ZNF107: variants seen among roughly 807,000 people sequenced by gnomAD.
ZNF107 encodes C2H2 type zinc-finger protein.
A neutral mutation model predicts 12.3 loss-of-function variants in ZNF107; 19 were observed. That is an observed-to-expected ratio of 1.55 (90% CI 1.08 to 2.27). The LOEUF (loss-of-function observed/expected upper bound fraction) is 2.27, where lower values mean the gene tolerates loss of function less well. ZNF107 is among the 30% of genes most tolerant of loss of function. ZNF107 has a pLI of 0.00. For synonymous variants in ZNF107, 317 were observed against 330.5 expected (o/e 0.96, Z 0.44); for missense variants, 958 against 979.9 (o/e 0.98, Z 0.30).
chr7:64,711,568 A>AT lies in ZNF107; in HGVS notation c.*2915dup, dbSNP rs1554352801. ...AGAAAATTCTGAGTTCTGAATAAAC[A>AT]TTTAAAAAATGTTATATATTTTTCT... On this transcript the variant is annotated 3_prime_UTR_variant, in exon 4 of 4. Transcript: ENST00000620827. The AT allele has an allele frequency of 3.5e-5, 1 of 28,518 alleles. No individual in the cohort carries two copies. The highest frequency in any genetic ancestry group is 8.0e-5 in the African/African-American group (1 of 12,574). 1.8% of individuals were successfully genotyped at this position (28,518 alleles called of 1,614,324 possible).
chr7:64,701,620 A>G (rs973180304), intron 3 of ZNF107, among the ~76,000 whole-genome samples: 2 of 150,964 alleles, frequency 1.3e-5, no homozygotes, highest in Non-Finnish European at 1.5e-5. Context: ...TAATATATTT[A>G]CTTACTCATT....
At chr7:64,681,343 C>G (rs917258577) in intron 1 of ZNF107, among the ~76,000 whole-genome samples, 3 of 152,078 alleles carry the variant, frequency 2.0e-5, no homozygotes, top group Admixed American at 2.0e-4. Context: ...GCCTCCAGAC[C>G]TCTCCAGACT....
At chr7:64,672,362 A>T (rs1466763295) in intron 1 of ZNF107, among the ~76,000 whole-genome samples, 1 of 151,696 alleles carries the variant, frequency 6.6e-6, no homozygotes, top group African/African-American at 2.4e-5. Flanking sequence ...TATTTTTATT[A>T]TAATTATTTT....
intron 1 of ZNF107, among the ~76,000 whole-genome samples, chr7:64,678,683 CTTAGGTATT>C (rs1789523492): frequency 6.6e-6 from 1 of 152,020 alleles, no homozygotes; most frequent in Admixed American, 6.6e-5. Context: ...ATTATTTATA[CTTAGGTATT>C]TTATCCAATG....
At chr7:64,704,940 A>G (rs766723745) in intron 3 of ZNF107, among the ~76,000 whole-genome samples, 4 of 152,184 alleles carry the variant, frequency 2.6e-5, no homozygotes, top group Non-Finnish European at 5.9e-5. Flanking sequence ...TGGTCTCCCA[A>G]TGTGCTGGGA....
In ZNF107 at chr7:64,706,733, G is replaced by A. The variant is rs1790661021; in HGVS notation, c.636G>A (p.Trp212Ter). 3.1e-6 allele frequency: 5 copies of A among 1,612,394 alleles called. No individual in the cohort carries two copies. The highest frequency in any genetic ancestry group is 3.3e-5 in the Admixed American group (2 of 59,820). Residue 212 changes from tryptophan (W) to a stop codon, truncating the protein, a stop_gained, in exon 4 of 4, where the codon TGG becomes TGA. Transcript: ENST00000620827. LOFTEE classifies it low-confidence loss of function (END_TRUNC). ...AAGAATGTGGAAAAGCCTTTAACTG[G>A]TTCTCAACTCTTACTAAACATAAGA... ...KCEECGKAFN[W>*]FSTLTKHKRI...
rs1788995942 is a variant in ZNF107 at position 64,666,266 on chromosome 7, T to A, written c.-17T>A. 2.5e-6 allele frequency: 4 copies of A among 1,609,260 alleles called. No homozygotes were observed. Among genetic ancestry groups the A allele is most frequent in the Non-Finnish European group, 2.5e-6 (3 of 1,177,358 alleles). On this transcript the variant is annotated 5_prime_UTR_variant, in exon 1 of 4. Coordinates refer to ENST00000620827, the MANE Select transcript of ZNF107 (RefSeq NM_001282359.2). ...AGATCCACAGCTAAGACGCCGGGAC[T>A]CCCTGGAAACCTAGAAATGGTGAGA...
chr7:64,694,499 T>C (rs563399925), intron 3 of ZNF107, among the ~76,000 whole-genome samples: 9 of 129,030 alleles, frequency 7.0e-5, no homozygotes, highest in Middle Eastern at 7.4e-3. Context: ...TATTTTCTTT[T>C]TTCTTTTTTT....
intron 1 of ZNF107, among the ~76,000 whole-genome samples, chr7:64,688,118 C>T (rs1232571125): frequency 1.3e-5 from 2 of 152,164 alleles, no homozygotes; most frequent in African/African-American, 4.8e-5. Context: ...CACAGGGCAG[C>T]AGTTAACCAT....
At chr7:64,685,301 C>T (rs747039504) in intron 1 of ZNF107, among the ~76,000 whole-genome samples, 1 of 152,196 alleles carries the variant, frequency 6.6e-6, no homozygotes. Flanking sequence ...TGCAACTACG[C>T]CTTGCAGCTT....
intron 3 of ZNF107, among the ~76,000 whole-genome samples, chr7:64,702,844 C>T (rs1482921212): frequency 6.6e-6 from 1 of 152,214 alleles, no homozygotes; most frequent in African/African-American, 2.4e-5. Context: ...TAGGCGTGAG[C>T]CACCGCACCC....
chr7:64,704,452 G>T (rs1790575249), intron 3 of ZNF107, among the ~76,000 whole-genome samples: 1 of 151,930 alleles, frequency 6.6e-6, no homozygotes, highest in South Asian at 2.1e-4. Flanking sequence ...CACCATGTTT[G>T]CCAGGATGGT....
chr7:64,670,819 T>C (rs1490801660), intron 1 of ZNF107, among the ~76,000 whole-genome samples: 1 of 152,136 alleles, frequency 6.6e-6, no homozygotes, highest in Non-Finnish European at 1.5e-5. Flanking sequence ...ATAACCACAG[T>C]GTTTTGCAGA....
chr7:64,692,899 G>A (rs1180735825), intron 3 of ZNF107, among the ~76,000 whole-genome samples: 2 of 152,056 alleles, frequency 1.3e-5, no homozygotes, highest in Non-Finnish European at 2.9e-5. Context: ...GGGTTTTAAT[G>A]TACTGTTTAT....
chr7:64,702,135 CTTAAAG>C (rs1486892460), intron 3 of ZNF107, among the ~76,000 whole-genome samples: 4 of 149,928 alleles, frequency 2.7e-5, no homozygotes, highest in Non-Finnish European at 5.9e-5. Context: ...CATAAAACAT[CTTAAAG>C]TTAAAACAGT....
At chr7:64,688,952 A>G (rs147230857) in intron 1 of ZNF107, among the ~76,000 whole-genome samples, 1 of 152,166 alleles carries the variant, frequency 6.6e-6, no homozygotes, top group Admixed American at 6.5e-5. Flanking sequence ...ACTTTGTATC[A>G]GCCCACCCTC....
intron 1 of ZNF107, among the ~76,000 whole-genome samples, chr7:64,677,743 T>A (rs896343494): frequency 6.6e-6 from 1 of 150,722 alleles, no homozygotes; most frequent in Non-Finnish European, 1.5e-5. Flanking sequence ...ACCCAGCTAC[T>A]TGGGAGGCTG....
rs1347365970 is a variant in ZNF107, at chr7:64,666,263, G to C, written c.-20G>C. 3.1e-6 allele frequency: 5 copies of C among 1,609,216 alleles called. No individual in the cohort carries two copies. The highest frequency in any genetic ancestry group is 2.2e-5 in the South Asian group (2 of 90,998). On this transcript the variant is annotated 5_prime_UTR_variant, in exon 1 of 4. Transcript: ENST00000620827. Reference sequence around the variant, plus strand: ...GGGAGATCCACAGCTAAGACGCCGGGACTCCCTGGAAACCTAGAAATGGTG... The same window carrying C: ...GGGAGATCCACAGCTAAGACGCCGGCACTCCCTGGAAACCTAGAAATGGTG...
intron 3 of ZNF107, among the ~76,000 whole-genome samples, chr7:64,700,060 CA>C (rs57490541): frequency 1.1e-4 from 11 of 96,800 alleles, no homozygotes; most frequent in Admixed American, 1.3e-4. Context: ...GACTCCATCT[CA>C]AAAAAAAAAA....
Sources: gnomAD v4.1 joint callset for allele counts (sites outside exome capture counted in the v4.1 genomes callset) on GRCh38, gnomAD v4.1.1 for gene constraint, MANE v1.5 for transcripts, NCBI Gene and HGNC (gene_info 2026-07-23, HGNC 2026-07-21) for gene names.